MPDZ: variants seen among roughly 807,000 people sequenced by gnomAD.
MPDZ encodes the protein multiple PDZ domain crumbs cell polarity complex component.
Under a neutral mutation model 239.1 loss-of-function variants are expected in MPDZ, and 234 were observed. The observed-to-expected ratio is 0.98, with a 90% confidence interval of 0.88 to 1.09. The LOEUF is 1.09. MPDZ is among the 50% of genes least tolerant of loss of function. The pLI is 0.00. For synonymous variants in MPDZ, 1,048 were observed against 881.3 expected, an observed-to-expected ratio of 1.19 and a Z score of -3.35; for missense variants, 3,175 against 2,510.0, an observed-to-expected ratio of 1.26 and a Z score of -5.66.
At chr9:13,249,086 C>T (rs7872825) in intron 2 of MPDZ, among the ~76,000 whole-genome samples, 144,765 of 149,462 alleles carry the variant, frequency 0.97, 70,245 homozygotes, top group East Asian at 1. Flanking sequence ...AAAATATGAA[C>T]TGATGTTGAT....
At chr9:13,189,991 C>T in intron 16 of MPDZ, 123 bp downstream of exon 16, 2 of 802,984 alleles carry the variant, frequency 2.5e-6, no homozygotes, top group Non-Finnish European at 3.8e-6. Context: ...CTATAAATCA[C>T]TATTTTGAAA....
intron 24 of MPDZ, among the ~76,000 whole-genome samples, chr9:13,157,098 G>A (rs1033141207): frequency 6.6e-6 from 1 of 152,168 alleles, no homozygotes; most frequent in South Asian, 2.1e-4. Context: ...CTGGTGGGCA[G>A]GGGACGTCAT....
In MPDZ at chr9:13,175,786, C is replaced by A. The variant is rs1952397163; in HGVS notation, c.3021G>T (p.Arg1007Ser). The A allele has an allele frequency of 1.3e-6, 2 of 1,572,872 alleles. No homozygotes were observed. The highest frequency in any genetic ancestry group is 1.7e-6 in the Non-Finnish European group (2 of 1,157,718). ...LQNVSKESFE[R>S]TINIAKGNSS... ...AATTGCCTTTTGCTATATTAATAGTCCTTTCAAAAGATTCTTTAGATACAT... is the reference window on the plus strand; with the variant it reads ...AATTGCCTTTTGCTATATTAATAGTACTTTCAAAAGATTCTTTAGATACAT... Residue 1007 changes from arginine to serine, a missense_variant, in exon 21 of 47, where the codon AGG becomes AGT. Coordinates refer to ENST00000319217, the MANE Select transcript of MPDZ (RefSeq NM_001378778.1).
rs55846029 is a variant in MPDZ, at chr9:13,199,872, T to C, written c.1547-3642A>G. Among the ~76,000 whole-genome samples, 1,344 of 152,166 alleles carry C rather than the reference T, an allele frequency of 8.8e-3. 23 individuals are homozygous for C. Among genetic ancestry groups the C allele is most frequent in the African/African-American group, 0.029 (1,208 of 41,550 alleles). On this transcript the variant is annotated intron_variant, in intron 12 of 46. Coordinates refer to ENST00000319217, the MANE Select transcript of MPDZ (RefSeq NM_001378778.1). ...TTGAATCTGGTTTGCTAGTATTTTG[T>C]TGAGGATTTTTGCAACTACGTTCAT...
chr9:13,179,297 T>G (rs1952952725), intron 19 of MPDZ, among the ~76,000 whole-genome samples: 1 of 152,166 alleles, frequency 6.6e-6, no homozygotes, highest in South Asian at 2.1e-4. Flanking sequence ...CAGAACTGGT[T>G]AGCTTCCATA....
In MPDZ at chr9:13,125,235, T is replaced by C. The variant is rs1397513824; in HGVS notation, c.4788A>G (p.Pro1596=). 6.2e-7 allele frequency: 1 copy of C among 1,603,508 alleles called. No homozygotes were observed. The highest frequency in any genetic ancestry group is 2.2e-5 in the East Asian group (1 of 44,696). The change falls in exon 35 of 47, where the codon CCA becomes CCG. Residue 1596 remains proline, a synonymous_variant. Transcript: ENST00000319217. The part of the protein sequence containing the change: ...QSLMVPQSGS[P]EPESIRNTSR... ...CCTTACTTCGGATGGACTCCGGTTC[T>C]GGGGAGCCAGACTGTGGGACCATCA...
chr9:13,113,349 C>T (rs940799736), intron 41 of MPDZ, among the ~76,000 whole-genome samples: 4 of 152,028 alleles, frequency 2.6e-5, no homozygotes, highest in Admixed American at 2.0e-4. Context: ...CATAGAAAGG[C>T]ACATGTGCAC....
At chr9:13,146,973 C>G (rs936572684) in intron 26 of MPDZ, among the ~76,000 whole-genome samples, 1 of 151,968 alleles carries the variant, frequency 6.6e-6, no homozygotes, top group Non-Finnish European at 1.5e-5. Context: ...TGTCCACCAA[C>G]AGCTATACAG....
chr9:13,183,574 A>T lies in MPDZ; in HGVS notation c.2493T>A (p.Asn831Lys). ...FRADLALVGTNDADLVDESTF... is the reference protein window; with the variant it reads ...FRADLALVGTKDADLVDESTF... ...TGGATTCATCTACTAAGTCAGCATC[A>T]TTTGTGCCCACCTAGAAACAAAACA... Residue 831 changes from asparagine to lysine, a missense_variant, in exon 19 of 47, where the codon AAT becomes AAA. Asn to Lys is a moderately conservative substitution (Grantham distance 94). Transcript: ENST00000319217. The T allele has an allele frequency of 6.2e-7, 1 of 1,612,226 alleles. No individual in the cohort carries two copies. The highest frequency in any genetic ancestry group is 2.2e-5 in the East Asian group (1 of 44,728).
chr9:13,143,492 C>T lies in MPDZ; in HGVS notation c.3814G>A (p.Asp1272Asn), dbSNP rs1361591231. The T allele has an allele frequency of 6.2e-7, 1 of 1,612,710 alleles. No homozygotes were observed. Among genetic ancestry groups the T allele is most frequent in the East Asian group, 2.2e-5 (1 of 44,856 alleles). The change falls in exon 27 of 47, where the codon GAC becomes AAC. Residue 1272 changes from aspartate (D) to asparagine (N), a missense_variant. Transcript: ENST00000319217. Reference sequence around the variant, plus strand: ...TTGTCGGCGTTGATTTGTAGAGAGTCAGCAAATGGGTTAGTGCTGCTGAAG... The same window carrying T: ...TTGTCGGCGTTGATTTGTAGAGAGTTAGCAAATGGGTTAGTGCTGCTGAAG... ...YNFSSTNPFA[D>N]SLQINADKAP... is the part of the protein sequence containing the mutation.
chr9:13,235,698 T>A (rs1050357170), intron 3 of MPDZ, among the ~76,000 whole-genome samples: 1 of 152,168 alleles, frequency 6.6e-6, no homozygotes, highest in Middle Eastern at 3.2e-3. Flanking sequence ...AACCCAAGAA[T>A]GCTGATGGAG....
intron 23 of MPDZ, among the ~76,000 whole-genome samples, chr9:13,161,163 C>T (rs1428854235): frequency 6.6e-6 from 1 of 151,864 alleles, no homozygotes; most frequent in Non-Finnish European, 1.5e-5. Flanking sequence ...CTGACACTTT[C>T]TGTATTCTGT....
In MPDZ at chr9:13,236,235, A is replaced by ATG. The variant is rs1283618375; in HGVS notation, c.183+11398_183+11399dup. Among the ~76,000 whole-genome samples the ATG allele has an allele frequency of 5.4e-4, 13 of 23,984 alleles. 1 individual carries two copies. Among genetic ancestry groups the ATG allele is most frequent in the African/African-American group, 1.5e-3 (12 of 8,196 alleles). 15.7% of individuals were successfully genotyped at this position (23,984 alleles called of 152,430 possible). ...TGTGTGTGTGTGTGTGTATATGTATATGTGTGTGTGTGTGTATATATATAT... is the reference window on the plus strand; with the variant it reads ...TGTGTGTGTGTGTGTGTATATGTATATGTGTGTGTGTGTGTGTATATATATAT... On this transcript the variant is annotated intron_variant, in intron 3 of 46. Transcript: ENST00000319217.
At chr9:13,221,346 A>G (rs1959072481) in intron 7 of MPDZ, 26 bp downstream of exon 7, 2 of 1,575,382 alleles carry the variant, frequency 1.3e-6, no homozygotes, top group Admixed American at 1.8e-5. Context: ...ATAAAATAGC[A>G]TAAAAGATCT....
At position 13,190,319 on chromosome 9, in the gene MPDZ, T is replaced by C. The variant is rs1436609768; in HGVS notation, c.1969-20A>G. The C allele has an allele frequency of 1.3e-6, 2 of 1,496,456 alleles. No homozygotes were observed. The highest frequency in any genetic ancestry group is 2.8e-5 in the African/African-American group (2 of 71,924). 92.7% of individuals were successfully genotyped at this position (1,496,456 alleles called of 1,614,324 possible). A position where few individuals can be genotyped will look rare whatever the true frequency, so the allele number is the denominator to read the frequency against. ...GTGAGGCTGGATAATATCAGACAGC[T>C]CTTATTTCAGAGGCATTGCATTAGC... is the stretch of plus-strand genomic sequence containing the variant. On this transcript the variant is annotated intron_variant, in intron 15 of 46. Transcript: ENST00000319217.
intron 32 of MPDZ, among the ~76,000 whole-genome samples, chr9:13,129,775 T>C (rs1435299147): frequency 6.6e-6 from 1 of 152,136 alleles, no homozygotes; most frequent in African/African-American, 2.4e-5. Flanking sequence ...CTTGCTATGT[T>C]TCCCAGGCTG....
intron 12 of MPDZ, 111 bp downstream of exon 12, chr9:13,204,925 T>C: frequency 4.7e-6 from 3 of 644,128 alleles, no homozygotes; most frequent in South Asian, 9.6e-5. Context: ...CTTTTTGAAA[T>C]TTTTTTTAGT....
chr9:13,176,073 A>C, intron 20 of MPDZ, 63 bp downstream of exon 20: 1 of 1,474,112 alleles, frequency 6.8e-7, no homozygotes, highest in Non-Finnish European at 9.0e-7. Context: ...ATTAGCCAGA[A>C]TAACCTTACT....
At position 13,136,819 on chromosome 9, in the gene MPDZ, A is replaced by G; in HGVS notation, c.4201-16T>C. ...GACCATTGATCTGTGAGAAATAAAT[A>G]TCATTAGTTGGGCCTGAAATCTTAG... On this transcript the variant is annotated splice_polypyrimidine_tract_variant and intron_variant, in intron 29 of 46. Coordinates refer to ENST00000319217, the MANE Select transcript of MPDZ (RefSeq NM_001378778.1). The G allele has an allele frequency of 6.7e-7, 1 of 1,500,458 alleles. No homozygotes were observed. The highest frequency in any genetic ancestry group is 9.2e-7 in the Non-Finnish European group (1 of 1,092,168). The allele number at this position is 1,500,458 out of a possible 1,614,324, so 92.9% of individuals were successfully genotyped here. A position where few individuals can be genotyped will look rare whatever the true frequency, so the allele number is the denominator to read the frequency against.
Sources: gnomAD v4.1 joint callset for allele counts (sites outside exome capture counted in the v4.1 genomes callset) on GRCh38, gnomAD v4.1.1 for gene constraint, MANE v1.5 for transcripts, NCBI Gene and HGNC (gene_info 2026-07-23, HGNC 2026-07-21) for gene names.